Variants in DLG2 observed in about 807,000 individuals in gnomAD.
DLG2 encodes the protein discs large MAGUK scaffold protein 2.
A neutral mutation model predicts 132.5 loss-of-function variants in DLG2; 45 were observed. The ratio of observed to expected loss-of-function variants is 0.34; its 90% CI spans 0.27 to 0.44. DLG2 has a LOEUF of 0.44. Ranked by LOEUF, DLG2 falls within the 20% of genes least tolerant of loss-of-function variation. The pLI, the probability that DLG2 is intolerant of heterozygous loss-of-function variation, is 1.00. For synonymous variants in DLG2, 424 were observed against 419.6 expected (o/e 1.01, Z -0.13); for missense variants, 1,045 against 1,196.9 (o/e 0.87, Z 1.87).
intron 7 of DLG2, among the ~76,000 whole-genome samples, chr11:84,329,697 A>G (rs1265214743): frequency 6.6e-6 from 1 of 152,186 alleles, no homozygotes; most frequent in Non-Finnish European, 1.5e-5. Context: ...TCCATTGACT[A>G]GTTATCTCAC....
chr11:84,796,318 T>C (rs1389586353), intron 6 of DLG2, among the ~76,000 whole-genome samples: 1 of 152,242 alleles, frequency 6.6e-6, no homozygotes, highest in Non-Finnish European at 1.5e-5. Context: ...TTTATCTTTT[T>C]GCTGTTTCTG....
intron 6 of DLG2, among the ~76,000 whole-genome samples, chr11:84,784,361 TAAA>T (rs1801049314): frequency 6.8e-6 from 1 of 147,732 alleles, no homozygotes; most frequent in African/African-American, 2.5e-5. Context: ...AATAAATAAA[TAAA>T]TAAATTAAAC....
chr11:84,846,143 T>C (rs1350601768), intron 6 of DLG2, among the ~76,000 whole-genome samples: 4 of 152,092 alleles, frequency 2.6e-5, no homozygotes, highest in African/African-American at 9.7e-5. Flanking sequence ...CTCTTAAATA[T>C]CATACATATT....
chr11:84,117,256 A>C (rs2093678477), intron 9 of DLG2, among the ~76,000 whole-genome samples: 1 of 152,062 alleles, frequency 6.6e-6, no homozygotes, highest in Non-Finnish European at 1.5e-5. Context: ...TATTTGCCTT[A>C]TTTTCTAGCC....
At chr11:83,511,073 A>AACACACACACACACACACAC (rs142149345) in intron 21 of DLG2, among the ~76,000 whole-genome samples, 8 of 88,408 alleles carry the variant, frequency 9.0e-5, no homozygotes, top group African/African-American at 2.8e-4. Flanking sequence ...CACTTGCTCA[A>AACACACACACACACACACAC]ACACACACAC....
At chr11:84,183,624 G>A (rs950710508) in intron 8 of DLG2, among the ~76,000 whole-genome samples, 10 of 152,094 alleles carry the variant, frequency 6.6e-5, no homozygotes, top group African/African-American at 2.4e-4. Flanking sequence ...TGTGCACAAT[G>A]TGCAGGTTAG....
intron 14 of DLG2, among the ~76,000 whole-genome samples, chr11:83,932,237 ATT>A (rs199866110): frequency 9.8e-5 from 14 of 142,498 alleles, no homozygotes; most frequent in Non-Finnish European, 7.8e-5. Context: ...ACATTTGAAG[ATT>A]TTTTTTTTTT....
chr11:83,861,877 T>C (rs142149421), intron 16 of DLG2, among the ~76,000 whole-genome samples: 44 of 152,240 alleles, frequency 2.9e-4, no homozygotes, highest in South Asian at 2.3e-3. Flanking sequence ...AAGAGTATAA[T>C]TGCATTGTTT....
At chr11:84,399,887 C>G (rs759331878) in intron 7 of DLG2, among the ~76,000 whole-genome samples, 4 of 152,372 alleles carry the variant, frequency 2.6e-5, no homozygotes, top group African/African-American at 9.6e-5. Flanking sequence ...TGGCCCACTA[C>G]GTTTGGCTGT....
At chr11:83,979,239 T>C (rs1355073742) in intron 12 of DLG2, among the ~76,000 whole-genome samples, 1 of 152,080 alleles carries the variant, frequency 6.6e-6, no homozygotes, top group Non-Finnish European at 1.5e-5. Context: ...AAATATAAAA[T>C]TTGGAGGTTC....
rs531219514 is a variant in DLG2 at position 85,454,711 on chromosome 11, G to A, written c.40+143946C>T. ...TACATCTTCAGTTGATTTTATATAC[G>A]GTGTAAGAAAGGGGTCCAGTTTCAA... On this transcript the variant is annotated intron_variant, in intron 3 of 27. Coordinates refer to ENST00000376104, the MANE Select transcript of DLG2 (RefSeq NM_001142699.3). 1.8e-4 allele frequency among the ~76,000 whole-genome samples: 27 copies of A among 152,062 alleles called. No individual in the cohort carries two copies. The South Asian group carries it at 2.5e-3, about 14-fold the overall frequency.
At chr11:84,358,363 A>ATTTTTTTTTTTTTTT (rs770602681) in intron 7 of DLG2, among the ~76,000 whole-genome samples, 1 of 121,482 alleles carries the variant, frequency 8.2e-6, no homozygotes, top group Non-Finnish European at 1.8e-5. Context: ...AAGTCCCAGT[A>ATTTTTTTTTTTTTTT]TTTTTTTTTT....
intron 6 of DLG2, among the ~76,000 whole-genome samples, chr11:84,780,542 T>A (rs1244020161): frequency 6.6e-6 from 1 of 152,106 alleles, no homozygotes; most frequent in African/African-American, 2.4e-5. Flanking sequence ...CCAAACTGTT[T>A]TCCTGAGTGG....
chr11:84,728,923 G>T (rs2062820138), intron 6 of DLG2, among the ~76,000 whole-genome samples: 1 of 152,104 alleles, frequency 6.6e-6, no homozygotes, highest in Admixed American at 6.5e-5. Flanking sequence ...ATTTCTGTGG[G>T]ATCAGTGAGG....
chr11:84,754,904 A>T (rs568121585), intron 6 of DLG2, among the ~76,000 whole-genome samples: 1 of 152,264 alleles, frequency 6.6e-6, no homozygotes, highest in Admixed American at 6.5e-5. Flanking sequence ...TATATGGCAA[A>T]GTTTCTGTAA....
intron 7 of DLG2, among the ~76,000 whole-genome samples, chr11:84,331,877 G>A (rs4944483): frequency 0.12 from 18,962 of 152,160 alleles, 1,239 homozygotes; most frequent in Admixed American, 0.18. Flanking sequence ...CTGTGAATTG[G>A]TTTCTGAAAA....
chr11:83,553,902 T>G (rs988777872), intron 19 of DLG2, among the ~76,000 whole-genome samples: 1 of 150,462 alleles, frequency 6.6e-6, no homozygotes. Flanking sequence ...TTTTTTTCTT[T>G]TTTTTTTTTT....
intron 9 of DLG2, among the ~76,000 whole-genome samples, chr11:84,108,987 A>G (rs7929121): frequency 0.99 from 150,932 of 152,296 alleles, 74,862 homozygotes; most frequent in Middle Eastern, 1. Flanking sequence ...TGTATGAGAT[A>G]AGAAGACTGT....
intron 12 of DLG2, among the ~76,000 whole-genome samples, chr11:83,969,616 C>A (rs1467847140): frequency 1.3e-5 from 2 of 152,012 alleles, no homozygotes; most frequent in Non-Finnish European, 2.9e-5. Flanking sequence ...TCTTGTTGCC[C>A]AGGCTGGAGT....
Sources: allele counts gnomAD v4.1 joint callset (sites outside exome capture counted in the v4.1 genomes callset), GRCh38; gene constraint gnomAD v4.1.1; transcripts MANE v1.5; gene names NCBI Gene and HGNC (gene_info 2026-07-23, HGNC 2026-07-21).